The following USP24 variants were observed in gnomAD, a reference collection of about 807,000 sequenced individuals.
USP24 encodes ubiquitin specific peptidase 24, also known as ubiquitin carboxyl-terminal hydrolase 24.
In USP24, 97 loss-of-function variants were observed where a neutral mutation model predicts 361.6. The ratio of observed to expected loss-of-function variants is 0.27; its 90% CI spans 0.23 to 0.32. The LOEUF is 0.32. USP24 is among the 10% of genes least tolerant of loss of function. USP24 has a pLI of 1.00. For synonymous variants in USP24, 1,098 were observed against 1,124.6 expected, an observed-to-expected ratio of 0.98 and a Z score of 0.47; for missense variants, 2,353 against 3,165.6, an observed-to-expected ratio of 0.74 and a Z score of 6.16.
chr1:55,071,136 AC>A, intron 67 of USP24: 1 of 985,036 alleles, frequency 1.0e-6, no homozygotes, highest in Non-Finnish European at 1.2e-6. Flanking sequence ...AAAAAATGAC[AC>A]CTACTACATC....
At chr1:55,089,775 C>A (rs375680174) in intron 54 of USP24, 35 bp from the exon 55 acceptor site, 2 of 1,478,930 alleles carry the variant, frequency 1.4e-6, no homozygotes, top group Non-Finnish European at 1.8e-6. Flanking sequence ...ATGTTAGGAG[C>A]ATAAGCCCAG....
In USP24 at chr1:55,146,124, G is replaced by A. The variant is rs1037830117; in HGVS notation, c.2251-15C>T. On this transcript the variant is annotated splice_polypyrimidine_tract_variant and intron_variant, in intron 19 of 67. Coordinates refer to ENST00000294383, the MANE Select transcript of USP24 (RefSeq NM_015306.3). ...TCAAAACACATCTGTGGAATAAGAC[G>A]AATATCACCCTATAACTAAGATCCA... 10 of 1,576,682 alleles carry A rather than the reference G, an allele frequency of 6.3e-6. No homozygotes were observed. Among genetic ancestry groups the A allele is most frequent in the Middle Eastern group, 1.7e-4 (1 of 6,012 alleles).
chr1:55,178,191 A>C, intron 1 of USP24, 59 bp from the exon 2 acceptor site: 3 of 1,537,434 alleles, frequency 2.0e-6, no homozygotes, highest in Non-Finnish European at 2.6e-6. Flanking sequence ...TACTCTAAAA[A>C]TTTCCTATGT....
At chr1:55,192,736 A>T (rs568094355) in intron 1 of USP24, among the ~76,000 whole-genome samples, 1 of 152,376 alleles carries the variant, frequency 6.6e-6, no homozygotes, top group Admixed American at 6.5e-5. Context: ...CAGACTAGAG[A>T]AAATAATTCC....
chr1:55,069,294 T>G (rs1644871602), intron 67 of USP24, among the ~76,000 whole-genome samples, 187 bp from the exon 68 acceptor site: 1 of 152,252 alleles, frequency 6.6e-6, no homozygotes. Context: ...AACATGTACA[T>G]TTCTATGATC....
chr1:55,094,591 C>T (rs974226552), intron 51 of USP24, among the ~76,000 whole-genome samples: 2 of 149,950 alleles, frequency 1.3e-5, no homozygotes, highest in African/African-American at 4.9e-5. Flanking sequence ...TATTAAAAGG[C>T]AAATTCACTG....
chr1:55,190,748 A>C (rs1399857824), intron 1 of USP24, among the ~76,000 whole-genome samples: 1 of 152,220 alleles, frequency 6.6e-6, no homozygotes, highest in African/African-American at 2.4e-5. Flanking sequence ...GGATAATGTG[A>C]AAGTAGAGAA....
chr1:55,184,404 A>G (rs1373549898), intron 1 of USP24, among the ~76,000 whole-genome samples: 3 of 152,200 alleles, frequency 2.0e-5, no homozygotes, highest in East Asian at 1.9e-4. Flanking sequence ...TCAGGAAGAT[A>G]TAACAATTAT....
At chr1:55,128,768 G>A (rs1332899347) in intron 32 of USP24, among the ~76,000 whole-genome samples, 2 of 144,496 alleles carry the variant, frequency 1.4e-5, no homozygotes, top group South Asian at 2.2e-4. Flanking sequence ...AGGGTGGAGT[G>A]CACTGGTGCT....
rs988858942 is a variant in USP24, at chr1:55,125,383, G to C, written c.3897C>G (p.Ser1299=). ...TPEKSSYRQL[S]VSDRSSIRVE... ...CCCTAATAGAAGACCTATCAGACAC[G>C]GACAACTGTCGGTAGGATGACTTTT... Residue 1299 remains serine (S), a synonymous_variant, in exon 34 of 68, where the codon TCC becomes TCG. Transcript: ENST00000294383. 1 of 1,613,784 alleles carries C rather than the reference G, an allele frequency of 6.2e-7. No homozygotes were observed. The highest frequency in any genetic ancestry group is 1.3e-5 in the African/African-American group (1 of 74,896).
At chr1:55,124,356 A>C in intron 35 of USP24, 113 bp downstream of exon 35, 1 of 1,271,016 alleles carries the variant, frequency 7.9e-7, no homozygotes, top group South Asian at 1.5e-5. Context: ...ACTCATGCTC[A>C]CAAGCAAGAG....
At chr1:55,172,643 T>C (rs908510189) in intron 3 of USP24, 123 bp from the exon 4 acceptor site, 2 of 1,096,204 alleles carry the variant, frequency 1.8e-6, no homozygotes, top group African/African-American at 1.6e-5. Flanking sequence ...TGTAGATGAT[T>C]GGCTTTTAAA....
At chr1:55,178,562 G>A (rs1239362090) in intron 1 of USP24, among the ~76,000 whole-genome samples, 4 of 151,732 alleles carry the variant, frequency 2.6e-5, no homozygotes, top group South Asian at 4.2e-4. Context: ...CCAGCTACTC[G>A]GGAGGCTGAG....
intron 53 of USP24, 47 bp from the exon 54 acceptor site, chr1:55,092,173 T>C (rs771758337): frequency 1.3e-5 from 16 of 1,244,692 alleles, no homozygotes; most frequent in East Asian, 5.5e-5. Flanking sequence ...AGAAGTTTTA[T>C]AGATTATTAC....
chr1:55,144,663 G>A (rs537257628), intron 20 of USP24, among the ~76,000 whole-genome samples: 20 of 152,260 alleles, frequency 1.3e-4, no homozygotes, highest in South Asian at 1.2e-3. Context: ...GGCCGGGTGC[G>A]GTGGCTCAAG....
intron 42 of USP24, among the ~76,000 whole-genome samples, chr1:55,102,148 G>C (rs946994029): frequency 1.3e-5 from 2 of 151,894 alleles, no homozygotes; most frequent in Non-Finnish European, 2.9e-5. Context: ...GTAGTACTCT[G>C]AAAAAAAGGA....
chr1:55,170,346 GA>G (rs1649320195), intron 5 of USP24, among the ~76,000 whole-genome samples: 1 of 151,900 alleles, frequency 6.6e-6, no homozygotes, highest in South Asian at 2.1e-4. Flanking sequence ...TACGTAAAGT[GA>G]AAAAAAGAGA....
chr1:55,077,135 G>T, intron 62 of USP24, 100 bp downstream of exon 62: 2 of 1,136,004 alleles, frequency 1.8e-6, no homozygotes, highest in Non-Finnish European at 2.4e-6. Flanking sequence ...CAGACCAAAT[G>T]AATGGAGAAA....
intron 1 of USP24, among the ~76,000 whole-genome samples, chr1:55,191,081 A>C (rs1644272787): frequency 1.3e-5 from 2 of 152,226 alleles, no homozygotes; most frequent in Admixed American, 1.3e-4. Context: ...TCTGGCACGA[A>C]GGTAGAAGAG....
Sources: allele counts gnomAD v4.1 joint callset (sites outside exome capture counted in the v4.1 genomes callset), GRCh38; gene constraint gnomAD v4.1.1; transcripts MANE v1.5; gene names NCBI Gene and HGNC (gene_info 2026-07-23, HGNC 2026-07-21).